CSK: variants seen among roughly 807,000 people sequenced by gnomAD.
CSK encodes C-terminal Src kinase, also known as tyrosine-protein kinase CSK.
A neutral mutation model predicts 62.3 loss-of-function variants in CSK; 7 were observed. The observed-to-expected ratio is 0.11, with a 90% CI of 0.06 to 0.21. The LOEUF (loss-of-function observed/expected upper bound fraction) is 0.21, where lower values mean the gene tolerates loss of function less well. Ranked by LOEUF, CSK falls within the 10% of genes least tolerant of loss-of-function variation. The pLI is 1.00. For synonymous variants in CSK, 237 were observed against 246.0 expected (o/e 0.96, Z 0.34); for missense variants, 294 against 613.5 (o/e 0.48, Z 5.50).
chr15:74,802,239 G>T (rs887134032), intron 12 of CSK, 92 bp from the exon 13 acceptor site: 30 of 1,447,898 alleles, frequency 2.1e-5, no homozygotes, highest in Non-Finnish European at 2.6e-5. Flanking sequence ...TGGGTCTGCG[G>T]CAAAGCTGAT....
At chr15:74,789,082 C>T (rs529600185) in intron 1 of CSK, among the ~76,000 whole-genome samples, 1 of 152,324 alleles carries the variant, frequency 6.6e-6, no homozygotes, top group Admixed American at 6.5e-5. Context: ...CTCTCCCAAA[C>T]CACTAGACGG....
At chr15:74,785,126 A>G (rs1192137157) in intron 1 of CSK, among the ~76,000 whole-genome samples, 1 of 152,234 alleles carries the variant, frequency 6.6e-6, no homozygotes. Flanking sequence ...TTCAGCAGGC[A>G]GTGACTGTGT....
chr15:74,786,041 G>GTGTGTGTA (rs1309378640), intron 1 of CSK, among the ~76,000 whole-genome samples: 3,160 of 118,888 alleles, frequency 0.027, 150 homozygotes, highest in South Asian at 0.17. Flanking sequence ...GTGTGTGTGT[G>GTGTGTGTA]TGAGATGGAG....
At chr15:74,783,882 C>G (rs1359246610) in intron 1 of CSK, among the ~76,000 whole-genome samples, 1 of 152,212 alleles carries the variant, frequency 6.6e-6, no homozygotes, top group African/African-American at 2.4e-5. Context: ...CAGCCAAGTT[C>G]AGGATATAAA....
chr15:74,785,028 A>G (rs760093300), intron 1 of CSK, among the ~76,000 whole-genome samples: 3 of 152,244 alleles, frequency 2.0e-5, no homozygotes, highest in Non-Finnish European at 4.4e-5. Context: ...TAGGGAAACC[A>G]TGAATGTACT....
intron 1 of CSK, among the ~76,000 whole-genome samples, chr15:74,785,996 C>CTTTTTTTTTTTTT (rs1378947528): frequency 2.0e-5 from 1 of 49,660 alleles, no homozygotes; most frequent in Non-Finnish European, 5.4e-5. Flanking sequence ...CTCTCTCTCT[C>CTTTTTTTTTTTTT]TCTCTCTTTT....
intron 1 of CSK, among the ~76,000 whole-genome samples, chr15:74,783,103 C>T (rs1171316286): frequency 6.6e-6 from 1 of 152,218 alleles, no homozygotes; most frequent in Non-Finnish European, 1.5e-5. Flanking sequence ...CGCAGGTGCC[C>T]TGGCTTGCTT....
Position 74,798,800 on chromosome 15 carries a change from G to C in CSK, c.130-26G>C, listed in dbSNP as rs201648097. On this transcript the variant is annotated intron_variant, in intron 3 of 12. Transcript: ENST00000220003. This position sits in a 1 kb window ranked among gnomAD's most constrained non-coding sequence, Gnocchi z 6.6. Reference sequence around the variant, plus strand: ...TCTGCAGGGGGAGGTGGGCCTGAGAGCATGTCTGGGCTGCCCTCTCCCCAG... The same window carrying C: ...TCTGCAGGGGGAGGTGGGCCTGAGACCATGTCTGGGCTGCCCTCTCCCCAG... 14 of 1,604,292 alleles carry C rather than the reference G, an allele frequency of 8.7e-6. No homozygotes were observed. In the East Asian group the frequency reaches 1.8e-4, roughly 20 times the overall value.
At chr15:74,799,152 T>C in intron 4 of CSK, 120 bp from the exon 5 acceptor site, 1 of 1,134,080 alleles carries the variant, frequency 8.8e-7, no homozygotes, top group East Asian at 2.4e-5. Context: ...GAAGAGGGCC[T>C]CAAATGCCTG....
rs766088009 is a variant in CSK, at chr15:74,792,290, G to C, written c.-65-5943G>C. On this transcript the variant is annotated intron_variant, in intron 1 of 12. Transcript: ENST00000220003. Reference sequence around the variant, plus strand: ...GTTGCTCAGCTGCACCCCCAAGGTTGAGTGGAAGTCCCTCGGTAAAGGAGG... The same window carrying C: ...GTTGCTCAGCTGCACCCCCAAGGTTCAGTGGAAGTCCCTCGGTAAAGGAGG... 1.1e-4 allele frequency among the ~76,000 whole-genome samples: 16 copies of C among 152,162 alleles called. 1 individual carries two copies. The highest frequency in any genetic ancestry group is 5.9e-5 in the Non-Finnish European group (4 of 68,016).
rs758951634 is a variant in CSK, at chr15:74,798,618, G to T, written c.19G>T (p.Ala7Ser). The T allele has an allele frequency of 2.5e-6, 4 of 1,612,946 alleles. No individual in the cohort carries two copies. The African/African-American group carries it at 5.3e-5, about 22-fold the overall frequency. The part of the protein sequence containing the change: MSAIQA[A>S]WPSGTECIAK... ...CCACGTGTCACCTGCCTTGCAGGCC[G>T]CCTGGCCATCCGGTACAGAATGTAT... The change falls in exon 3 of 13, where the codon GCC becomes TCC. Residue 7 changes from alanine to serine, a missense_variant. Ala to Ser is a moderately conservative substitution (Grantham distance 99). Coordinates refer to ENST00000220003, the MANE Select transcript of CSK (RefSeq NM_004383.3). This position sits in a 1 kb window ranked among gnomAD's most constrained non-coding sequence, Gnocchi z 6.6.
At chr15:74,802,109 T>A (rs751853037) in intron 12 of CSK, 26 bp downstream of exon 12, 1 of 1,608,996 alleles carries the variant, frequency 6.2e-7, no homozygotes, top group Non-Finnish European at 8.5e-7. Flanking sequence ...GGGATCAGGG[T>A]GGCTCTTGGA....
chr15:74,803,194 C>T lies in CSK; in HGVS notation c.*681C>T, dbSNP rs1057190058. 7.8e-5 allele frequency: 12 copies of T among 152,900 alleles called. No homozygotes were observed. The highest frequency in any genetic ancestry group is 2.9e-4 in the African/African-American group (12 of 41,482). The allele number at this position is 152,900 out of a possible 1,614,324, so 9.5% of individuals were successfully genotyped here. ...GCCGCCCGCCTCGGCGCTTCCTCCA[C>T]CGAGCCTGCTTGTCCTGCCCGGTCG... On this transcript the variant is annotated 3_prime_UTR_variant, in exon 13 of 13. Coordinates refer to ENST00000220003, the MANE Select transcript of CSK (RefSeq NM_004383.3).
intron 1 of CSK, among the ~76,000 whole-genome samples, chr15:74,793,996 G>T (rs1042463325): frequency 1.3e-5 from 2 of 152,150 alleles, no homozygotes; most frequent in African/African-American, 4.8e-5. Flanking sequence ...CTAGCTATGT[G>T]ACTTCAGGCA....
intron 1 of CSK, among the ~76,000 whole-genome samples, chr15:74,784,764 C>T (rs1404875032): frequency 6.6e-6 from 1 of 152,184 alleles, no homozygotes; most frequent in Non-Finnish European, 1.5e-5. Flanking sequence ...ACATGGCTGC[C>T]CCCCAAAGGG....
At chr15:74,789,496 G>A (rs2063583806) in intron 1 of CSK, among the ~76,000 whole-genome samples, 1 of 152,192 alleles carries the variant, frequency 6.6e-6, no homozygotes, top group Non-Finnish European at 1.5e-5. Context: ...TGATTTTATT[G>A]CTGCCAAACT....
At chr15:74,787,785 G>A (rs2063546544) in intron 1 of CSK, among the ~76,000 whole-genome samples, 1 of 152,076 alleles carries the variant, frequency 6.6e-6, no homozygotes. Context: ...GTGGGCAGGC[G>A]AAAACCTGGG....
Position 74,798,840 on chromosome 15 carries a change from C to T in CSK, c.144C>T (p.Tyr48=). Reference sequence around the variant, plus strand: ...CCTCTCCCCAGGACCCCAACTGGTACAAAGCCAAAAACAAGGTGGGCCGTG... The same window carrying T: ...CCTCTCCCCAGGACCCCAACTGGTATAAAGCCAAAAACAAGGTGGGCCGTG... ...IVAVTKDPNW[Y]KAKNKVGREG... is the part of the protein sequence containing the mutation. The change falls in exon 4 of 13, where the codon TAC becomes TAT. Residue 48 remains tyrosine, a synonymous_variant. Transcript: ENST00000220003. The surrounding 1 kb of genome is among the most constrained non-coding windows in gnomAD (Gnocchi z 6.6). 2 of 1,592,814 alleles carry T rather than the reference C, an allele frequency of 1.3e-6. No individual in the cohort carries two copies. Among genetic ancestry groups the T allele is most frequent in the Non-Finnish European group, 1.7e-6 (2 of 1,168,704 alleles).
chr15:74,787,022 T>C (rs1388122355), intron 1 of CSK, among the ~76,000 whole-genome samples: 3 of 152,194 alleles, frequency 2.0e-5, no homozygotes, highest in Non-Finnish European at 4.4e-5. Context: ...CCCAAGATGC[T>C]GGCCTGGCCT....
Sources: allele counts gnomAD v4.1 joint callset (sites outside exome capture counted in the v4.1 genomes callset), GRCh38; gene constraint gnomAD v4.1.1; non-coding constraint Gnocchi (gnomAD v3.1); transcripts MANE v1.5; gene names NCBI Gene and HGNC (gene_info 2026-07-23, HGNC 2026-07-21).